UNC45A: variants seen among roughly 807,000 people sequenced by gnomAD.
UNC45A encodes the protein protein unc-45 homolog A.
Under a neutral mutation model 103.2 loss-of-function variants are expected in UNC45A, and 78 were observed. The ratio of observed to expected loss-of-function variants is 0.76; its 90% CI spans 0.63 to 0.91. The LOEUF (loss-of-function observed/expected upper bound fraction) is 0.91. UNC45A is among the 40% of genes least tolerant of loss of function. The pLI is 0.00. For synonymous variants in UNC45A, 495 were observed against 504.6 expected (o/e 0.98, Z 0.25); for missense variants, 1,193 against 1,224.8 (o/e 0.97, Z 0.39).
chr15:90,937,967 T>C (rs540307368), intron 4 of UNC45A, among the ~76,000 whole-genome samples: 80 of 152,286 alleles, frequency 5.3e-4, no homozygotes, highest in Admixed American at 2.7e-3. Context: ...CTAATTTTTA[T>C]ATTTTTTGTA....
At chr15:90,936,811 T>C (rs964597669) in intron 4 of UNC45A, among the ~76,000 whole-genome samples, 3 of 152,192 alleles carry the variant, frequency 2.0e-5, no homozygotes, top group African/African-American at 7.2e-5. Flanking sequence ...TGTGATCCCA[T>C]ATGTTTACTT....
rs1374925552 is a variant in UNC45A, at chr15:90,945,012, A to G, written c.1148A>G (p.Lys383Arg). 1.2e-6 allele frequency: 2 copies of G among 1,613,158 alleles called. No homozygotes were observed. Among genetic ancestry groups the G allele is most frequent in the Admixed American group, 3.3e-5 (2 of 60,034 alleles). The change falls in exon 9 of 20, where the codon AAG (lysine) becomes AGG (arginine). Residue 383 changes from lysine to arginine, a missense_variant. By Grantham distance (26) the Lys-to-Arg change is conservative (BLOSUM62 2). Coordinates refer to ENST00000418476, the MANE Select transcript of UNC45A (RefSeq NM_018671.5). ...ILLSKLFDDL[K>R]CDAERENFHR... is the part of the protein sequence containing the mutation. ...CTCAGCAAGCTCTTTGATGACCTCA[A>G]GTGTGATGCGGAGAGGGAGAATTTC...
chr15:90,948,784 A>C lies in UNC45A; in HGVS notation c.1868A>C (p.Gln623Pro). 1 of 1,606,024 alleles carries C rather than the reference A, an allele frequency of 6.2e-7. No homozygotes were observed. Among genetic ancestry groups the C allele is most frequent in the Non-Finnish European group, 8.5e-7 (1 of 1,176,706 alleles). ...AKYAKQHVPE[Q>P]HPKDKPSFVR... ...TATGCCAAGCAGCATGTGCCCGAGC[A>C]GCACCCCAAGGTGAGGGGCCGCCAG... The change falls in exon 13 of 20, where the codon CAG (glutamine) becomes CCG (proline). Residue 623 changes from glutamine (Q) to proline (P), a missense_variant. Gln to Pro is a moderately conservative substitution (Grantham distance 76). Transcript: ENST00000418476.
rs777287149 is a variant in UNC45A at position 90,950,638 on chromosome 15, G to A, written c.2303+23G>A. 4.3e-6 allele frequency: 7 copies of A among 1,609,988 alleles called. No homozygotes were observed. The African/African-American group carries it at 9.4e-5, about 22-fold the overall frequency. On this transcript the variant is annotated intron_variant, in intron 17 of 19. Transcript: ENST00000418476. ...CCGGTAAGGTCCCTTGGGATTGCGG[G>A]GCCTGGACCAGGCATCGGGATTCGG...
At chr15:90,948,851 G>T in intron 13 of UNC45A, 57 bp downstream of exon 13, 1 of 1,494,136 alleles carries the variant, frequency 6.7e-7, no homozygotes, top group Non-Finnish European at 8.9e-7. Context: ...GCTAACCCAG[G>T]GCATCCACAG....
intron 10 of UNC45A, chr15:90,947,367 C>A (rs566184810): frequency 5.6e-4 from 145 of 257,322 alleles, no homozygotes; most frequent in African/African-American, 2.7e-3. Context: ...GCTGTGCACC[C>A]TGTGGAAGCT....
At position 90,946,663 on chromosome 15, in the gene UNC45A, A is replaced by G; in HGVS notation, c.1249A>G (p.Thr417Ala). Residue 417 changes from threonine to alanine, a missense_variant, in exon 10 of 20, where the codon ACG becomes GCG. Transcript: ENST00000418476. Reference protein sequence around the residue: ...GLAGKLRAIQTVSCLLQGPCD... With the variant: ...GLAGKLRAIQAVSCLLQGPCD... ...GGCCGGGAAGCTACGGGCCATCCAG[A>G]CGGTGTCCTGCCTCCTGCAGGGCCC... The G allele has an allele frequency of 6.2e-7, 1 of 1,612,112 alleles. No homozygotes were observed. The highest frequency in any genetic ancestry group is 8.5e-7 in the Non-Finnish European group (1 of 1,179,918).
intron 4 of UNC45A, among the ~76,000 whole-genome samples, chr15:90,939,141 G>A (rs1466868449): frequency 2.7e-5 from 4 of 150,198 alleles, no homozygotes; most frequent in African/African-American, 4.9e-5. Flanking sequence ...CACCACGCCC[G>A]GCTAATTTTT....
rs554743619 is a variant in UNC45A, at chr15:90,948,679, C to T, written c.1763C>T (p.Ala588Val). 1.2e-5 allele frequency: 20 copies of T among 1,613,966 alleles called. No homozygotes were observed. The highest frequency in any genetic ancestry group is 5.0e-5 in the Admixed American group (3 of 60,002). Residue 588 changes from alanine to valine, a missense_variant, in exon 13 of 20, where the codon GCG becomes GTG. Coordinates refer to ENST00000418476, the MANE Select transcript of UNC45A (RefSeq NM_018671.5). ...SRLEERSVLF[A>V]VASALVNCTN... ...TTGGAGGAGAGGTCAGTGCTCTTTGCGGTGGCCTCAGCGCTGGTGAACTGC... is the reference window on the plus strand; with the variant it reads ...TTGGAGGAGAGGTCAGTGCTCTTTGTGGTGGCCTCAGCGCTGGTGAACTGC...
chr15:90,935,824 T>A (rs2289619), intron 2 of UNC45A, 119 bp downstream of exon 2: 3 of 1,550,248 alleles, frequency 1.9e-6, no homozygotes, highest in African/African-American at 1.4e-5. Flanking sequence ...TGCCAGATGT[T>A]TTTTGCACCT....
chr15:90,931,489 A>T, upstream of UNC45A: 1 of 1,614,190 alleles, frequency 6.2e-7, no homozygotes, highest in Non-Finnish European at 8.5e-7. Context: ...GCTTGGTTCA[A>T]GGCCATGAGT....
Position 90,953,137 on chromosome 15 carries a change from C to A in UNC45A, c.2422-18C>A, listed in dbSNP as rs1440287352. The A allele has an allele frequency of 2.5e-6, 4 of 1,613,010 alleles. No individual in the cohort carries two copies. The highest frequency in any genetic ancestry group is 3.3e-5 in the Admixed American group (2 of 59,978). ...TTACACCCAACTGACTTGGTCCACT[C>A]CTCACATCTGGCCACAGGTGCAGGA... is the stretch of plus-strand genomic sequence containing the variant. On this transcript the variant is annotated intron_variant, in intron 18 of 19. Transcript: ENST00000418476.
chr15:90,945,082 C>A lies in UNC45A; in HGVS notation c.1199+19C>A. 1 of 1,607,174 alleles carries A rather than the reference C, an allele frequency of 6.2e-7. No homozygotes were observed. Among genetic ancestry groups the A allele is most frequent in the Non-Finnish European group, 8.5e-7 (1 of 1,176,800 alleles). Reference sequence around the variant, plus strand: ...ACATCAAGTAAGGAAGTCTGTTTCACCTCCCGTTGCCAGGGATTCTAGCGA... The same window carrying A: ...ACATCAAGTAAGGAAGTCTGTTTCAACTCCCGTTGCCAGGGATTCTAGCGA... On this transcript the variant is annotated intron_variant, in intron 9 of 19. Transcript: ENST00000418476.
Position 90,946,908 on chromosome 15 carries a change from G to A in UNC45A, c.1494G>A (p.Ala498=), listed in dbSNP as rs575944142. ...CSEKDSIRIR[A]LVGLCKLGSA... is the part of the protein sequence containing the mutation. ...AGAAGGACAGCATCCGCATCCGGGC[G>A]CTAGTGGTGAGACGGTGGGCCTGGG... is the stretch of plus-strand genomic sequence containing the variant. The change falls in exon 10 of 20, where the codon GCG becomes GCA. Residue 498 remains alanine, a synonymous_variant. Coordinates refer to ENST00000418476, the MANE Select transcript of UNC45A (RefSeq NM_018671.5). 1.4e-5 allele frequency: 23 copies of A among 1,599,894 alleles called. No individual in the cohort carries two copies. Among genetic ancestry groups the A allele is most frequent in the Admixed American group, 8.4e-5 (5 of 59,708 alleles).
intron 9 of UNC45A, among the ~76,000 whole-genome samples, chr15:90,946,072 G>C (rs1474880878): frequency 6.7e-6 from 1 of 149,750 alleles, no homozygotes; most frequent in East Asian, 2.0e-4. Context: ...GGCCAACATG[G>C]TGAAACCCCA....
At chr15:90,935,866 A>G in intron 2 of UNC45A, 80 bp from the exon 3 acceptor site, 7 of 1,603,728 alleles carry the variant, frequency 4.4e-6, no homozygotes. Context: ...GACCTTGGAG[A>G]GCGAGAGTAC....
chr15:90,947,595 T>C, intron 10 of UNC45A: 1 of 592,542 alleles, frequency 1.7e-6, no homozygotes, highest in Non-Finnish European at 3.0e-6. Context: ...CTGCAGATGC[T>C]GTGTCATGCG....
At position 90,944,873 on chromosome 15, in the gene UNC45A, A is replaced by C; in HGVS notation, c.1028-19A>C. On this transcript the variant is annotated intron_variant, in intron 8 of 19. Transcript: ENST00000418476. ...GGTTGGAACTAGTGTTCTACTGTCT[A>C]AGCGGGGTGTCTTTACAGGTCTGAA... 6.2e-7 allele frequency: 1 copy of C among 1,610,240 alleles called. No individual in the cohort carries two copies. Among genetic ancestry groups the C allele is most frequent in the Non-Finnish European group, 8.5e-7 (1 of 1,178,944 alleles).
chr15:90,931,847 A>T (rs767405507), upstream of UNC45A: 1 of 1,613,848 alleles, frequency 6.2e-7, no homozygotes, highest in Non-Finnish European at 8.5e-7. Flanking sequence ...GTCATCTGTT[A>T]CCTCCTCCAC....
Sources: gnomAD v4.1 joint callset for allele counts (sites outside exome capture counted in the v4.1 genomes callset) on GRCh38, gnomAD v4.1.1 for gene constraint, MANE v1.5 for transcripts, NCBI Gene and HGNC (gene_info 2026-07-23, HGNC 2026-07-21) for gene names.